Variants in TENM2 observed in about 807,000 individuals in gnomAD.
TENM2 encodes the protein teneurin transmembrane protein 2.
TENM2 carries 52 observed loss-of-function variants against 245.2 expected under a neutral mutation model. That is an observed-to-expected ratio of 0.21 (90% CI 0.17 to 0.27). TENM2 has a LOEUF of 0.27. Among genes scored for constraint, TENM2 ranks in the 10% least tolerant of loss-of-function variants. The pLI is 1.00. For missense variants in TENM2, 3,046 were observed against 3,666.8 expected (o/e 0.83, Z 4.37); for synonymous variants, 1,363 against 1,438.9 (o/e 0.95, Z 1.19).
intron 7 of TENM2, among the ~76,000 whole-genome samples, chr5:168,064,913 C>T (rs984164236): frequency 2.0e-5 from 3 of 152,210 alleles, no homozygotes; most frequent in Admixed American, 1.3e-4. Flanking sequence ...CACATTCATT[C>T]GCTGTCATTA....
chr5:167,715,009 T>A (rs1459754113), intron 2 of TENM2, among the ~76,000 whole-genome samples: 2 of 152,224 alleles, frequency 1.3e-5, no homozygotes, highest in African/African-American at 4.8e-5. Context: ...CTCTTTCTTG[T>A]TGATAGAACT....
exon 1 of TENM2, chr5:167,285,014 C>T (rs1771254870): frequency 6.4e-7 from 1 of 1,552,150 alleles, no homozygotes; most frequent in African/African-American, 1.4e-5. Flanking sequence ...ACTATGGAAA[C>T]CGAGTCACAG....
chr5:167,412,156 G>T (rs1762942979), intron 2 of TENM2, among the ~76,000 whole-genome samples: 1 of 152,058 alleles, frequency 6.6e-6, no homozygotes, highest in Non-Finnish European at 1.5e-5. Context: ...TGGGCTTTTA[G>T]AATCTCCAAA....
intron 4 of TENM2, among the ~76,000 whole-genome samples, chr5:167,987,701 C>T (rs1173192206): frequency 6.6e-6 from 1 of 152,004 alleles, no homozygotes; most frequent in Non-Finnish European, 1.5e-5. Flanking sequence ...CTGTTTTTAA[C>T]ACTGAGTGCC....
rs1380404339 is a variant in TENM2, at chr5:168,003,333, ACACACACACACACC to A, written c.1186+10153_1186+10166del. On this transcript the variant is annotated intron_variant, in intron 5 of 28. Coordinates refer to ENST00000518659, the Ensembl canonical transcript of TENM2. Reference sequence around the variant, plus strand: ...CACACACACACACACACACACACACACACACACACACACCCCCAAAGCTGGCATAACTGTGAAGA... The same window carrying A: ...CACACACACACACACACACACACACACCCAAAGCTGGCATAACTGTGAAGA... 5.0e-5 allele frequency among the ~76,000 whole-genome samples: 7 copies of A among 140,220 alleles called. No homozygotes were observed. In the South Asian group the frequency reaches 6.8e-4, roughly 14 times the overall value. 92.0% of individuals were successfully genotyped at this position (140,220 alleles called of 152,430 possible). A position where few individuals can be genotyped will look rare whatever the true frequency, so the allele number is the denominator to read the frequency against.
chr5:168,104,280 C>T (rs1407071434), intron 9 of TENM2, among the ~76,000 whole-genome samples: 1 of 152,126 alleles, frequency 6.6e-6, no homozygotes, highest in African/African-American at 2.4e-5. Flanking sequence ...CCACCTGCCT[C>T]GGCCTCCCAA....
chr5:167,557,468 C>T (rs1773327712), intron 2 of TENM2, among the ~76,000 whole-genome samples: 1 of 152,152 alleles, frequency 6.6e-6, no homozygotes, highest in East Asian at 1.9e-4. Flanking sequence ...TTTCCTCATT[C>T]ATAAAATGGG....
At chr5:167,517,769 G>A (rs552916292) in intron 2 of TENM2, among the ~76,000 whole-genome samples, 1 of 152,092 alleles carries the variant, frequency 6.6e-6, no homozygotes, top group Non-Finnish European at 1.5e-5. Context: ...TCTTGCAAAG[G>A]CTGATACCAT....
intron 2 of TENM2, among the ~76,000 whole-genome samples, chr5:167,428,876 G>A (rs1202454126): frequency 6.6e-6 from 1 of 152,136 alleles, no homozygotes; most frequent in Non-Finnish European, 1.5e-5. Flanking sequence ...ATGTGTTCAT[G>A]TTTTGTTCCT....
chr5:168,231,252 A>G (rs1405244632), intron 25 of TENM2, among the ~76,000 whole-genome samples: 1 of 152,248 alleles, frequency 6.6e-6, no homozygotes, highest in Non-Finnish European at 1.5e-5. Flanking sequence ...GTAAGCACGT[A>G]GCAGAGTGAT....
chr5:167,995,038 C>A (rs1783950232), intron 5 of TENM2, among the ~76,000 whole-genome samples: 1 of 152,150 alleles, frequency 6.6e-6, no homozygotes, highest in Non-Finnish European at 1.5e-5. Flanking sequence ...GCTCACTTCT[C>A]AGGCTTAATG....
intron 17 of TENM2, among the ~76,000 whole-genome samples, chr5:168,202,345 C>T (rs1403451071): frequency 2.6e-5 from 4 of 151,900 alleles, no homozygotes; most frequent in Admixed American, 1.3e-4. Context: ...TCTTAAATAC[C>T]ATTATGAACT....
At chr5:168,126,098 A>C (rs558498129) in intron 11 of TENM2, among the ~76,000 whole-genome samples, 1 of 152,220 alleles carries the variant, frequency 6.6e-6, no homozygotes. Context: ...CTCCCCAAGC[A>C]CAAAAGACTT....
chr5:167,644,651 G>A (rs958810618), intron 2 of TENM2, among the ~76,000 whole-genome samples: 4 of 152,148 alleles, frequency 2.6e-5, no homozygotes, highest in African/African-American at 9.7e-5. Flanking sequence ...AACAAACTGA[G>A]GCTCAAAGAG....
the TENM2 span, among the ~76,000 whole-genome samples, chr5:167,173,134 C>T: frequency 6.6e-6 from 1 of 152,126 alleles, no homozygotes; most frequent in East Asian, 1.9e-4. Flanking sequence ...TTACAGCAGG[C>T]GACACATAGG....
intron 2 of TENM2, among the ~76,000 whole-genome samples, chr5:167,391,277 G>A (rs1761737205): frequency 6.6e-6 from 1 of 152,096 alleles, no homozygotes; most frequent in Non-Finnish European, 1.5e-5. Context: ...GAATTTTGGA[G>A]CTAGAGTATA....
chr5:167,948,068 T>C (rs1280809223), intron 3 of TENM2, among the ~76,000 whole-genome samples: 1 of 152,208 alleles, frequency 6.6e-6, no homozygotes, highest in Non-Finnish European at 1.5e-5. Flanking sequence ...AGTCGATTAT[T>C]AACAATTTCT....
At chr5:167,912,946 G>C (rs559235994) in intron 3 of TENM2, among the ~76,000 whole-genome samples, 1 of 152,228 alleles carries the variant, frequency 6.6e-6, no homozygotes, top group South Asian at 2.1e-4. Flanking sequence ...GGTATTCCCA[G>C]ATGGAACAGG....
In TENM2 at chr5:167,460,811, G is replaced by A. The variant is rs545848426; in HGVS notation, c.502+85338G>A. On this transcript the variant is annotated intron_variant, in intron 2 of 28. Transcript: ENST00000518659. ...TGTCTACTCCATTTGCCTCCGGGCT[G>A]GGCTTTTAAGGGACTCCTTTTATTT... Among the ~76,000 whole-genome samples the A allele has an allele frequency of 3.0e-4, 45 of 152,210 alleles. 1 individual carries two copies. The highest frequency in any genetic ancestry group is 6.8e-3 in the Middle Eastern group (2 of 294).
Sources: gnomAD v4.1 joint callset for allele counts (sites outside exome capture counted in the v4.1 genomes callset) on GRCh38, gnomAD v4.1.1 for gene constraint, MANE v1.5 for transcripts, NCBI Gene and HGNC (gene_info 2026-07-23, HGNC 2026-07-21) for gene names.